Variants in ALX4 observed in about 807,000 individuals in gnomAD.
ALX4 encodes the protein ALX homeobox 4, also known as homeobox protein aristaless-like 4.
ALX4 carries 22 observed loss-of-function variants against 40.6 expected under a neutral mutation model. The ratio of observed to expected loss-of-function variants is 0.54; its 90% CI spans 0.39 to 0.77. The LOEUF is 0.77. Ranked by LOEUF, ALX4 falls within the 30% of genes least tolerant of loss-of-function variation. The pLI is 0.00. For synonymous variants in ALX4, 266 were observed against 240.5 expected, an observed-to-expected ratio of 1.11 and a Z score of -0.98; for missense variants, 556 against 564.8, an observed-to-expected ratio of 0.98 and a Z score of 0.16.
intron 1 of ALX4, among the ~76,000 whole-genome samples, chr11:44,300,142 C>G (rs1465845973): frequency 6.6e-6 from 1 of 152,182 alleles, no homozygotes; most frequent in Non-Finnish European, 1.5e-5. Flanking sequence ...AGCCTTCCCC[C>G]TTTCCTGGTA....
intron 1 of ALX4, among the ~76,000 whole-genome samples, chr11:44,299,367 T>G (rs1332187999): frequency 6.8e-6 from 1 of 147,516 alleles, no homozygotes; most frequent in Non-Finnish European, 1.5e-5. Context: ...TTTTTTTTTT[T>G]TTTTTTTTTT....
chr11:44,266,344 A>T lies in ALX4; in HGVS notation c.906+1150T>A, dbSNP rs72905946. 3.7e-3 allele frequency among the ~76,000 whole-genome samples: 557 copies of T among 152,266 alleles called. 2 individuals carry two copies. Among genetic ancestry groups the T allele is most frequent in the Non-Finnish European group, 6.1e-3 (416 of 68,004 alleles). On this transcript the variant is annotated intron_variant, in intron 3 of 3. Transcript: ENST00000652299. ...CTAGAGTTCCATCCTGGGAGGACAG[A>T]GGGAGGCTGAGTTTAGGGAGGGAGA...
At chr11:44,293,135 G>T (rs1956380154) in intron 1 of ALX4, among the ~76,000 whole-genome samples, 1 of 70,340 alleles carries the variant, frequency 1.4e-5, no homozygotes, top group Admixed American at 1.2e-4. Flanking sequence ...AAGGAAGGAA[G>T]GAAGGAAGGA....
chr11:44,266,496 G>A (rs958568047), intron 3 of ALX4, among the ~76,000 whole-genome samples: 2 of 152,224 alleles, frequency 1.3e-5, no homozygotes, highest in Admixed American at 6.5e-5. Flanking sequence ...ATCCTGGGCT[G>A]GGGGAGAGGG....
At chr11:44,269,720 TG>T (rs1363402631) in intron 2 of ALX4, among the ~76,000 whole-genome samples, 2 of 152,180 alleles carry the variant, frequency 1.3e-5, no homozygotes, top group Non-Finnish European at 2.9e-5. Context: ...CAAGGACAGA[TG>T]GGGTCTCCTC....
At chr11:44,302,280 G>C (rs1418343881) in intron 1 of ALX4, among the ~76,000 whole-genome samples, 1 of 152,060 alleles carries the variant, frequency 6.6e-6, no homozygotes, top group Non-Finnish European at 1.5e-5. Flanking sequence ...ACAAACCCTC[G>C]GCCTCGCCCT....
At chr11:44,280,200 C>T (rs756300763) in intron 1 of ALX4, among the ~76,000 whole-genome samples, 2 of 152,184 alleles carry the variant, frequency 1.3e-5, no homozygotes, top group African/African-American at 2.4e-5. Context: ...CCAGACAGAC[C>T]TTGAGCGATG....
At chr11:44,302,313 T>C (rs1400428201) in intron 1 of ALX4, among the ~76,000 whole-genome samples, 1 of 152,102 alleles carries the variant, frequency 6.6e-6, no homozygotes, top group Non-Finnish European at 1.5e-5. Context: ...TAGCAGGACG[T>C]GGACCCAGAG....
chr11:44,277,234 C>T (rs1956283155), intron 1 of ALX4, among the ~76,000 whole-genome samples: 1 of 152,180 alleles, frequency 6.6e-6, no homozygotes, highest in Non-Finnish European at 1.5e-5. Flanking sequence ...CCCACAGACC[C>T]TGTGAACATT....
intron 1 of ALX4, among the ~76,000 whole-genome samples, chr11:44,303,334 G>C (rs974335988): frequency 6.6e-6 from 1 of 152,226 alleles, no homozygotes; most frequent in Non-Finnish European, 1.5e-5. Flanking sequence ...AGCGGCGCCA[G>C]TGCCCAGCAG....
At chr11:44,273,217 T>C (rs1324199677) in intron 2 of ALX4, among the ~76,000 whole-genome samples, 1 of 151,686 alleles carries the variant, frequency 6.6e-6, no homozygotes, top group African/African-American at 2.4e-5. Context: ...AAAAGATTTC[T>C]CTTTGTTCTG....
At chr11:44,301,237 A>AC (rs984974257) in intron 1 of ALX4, among the ~76,000 whole-genome samples, 4 of 151,902 alleles carry the variant, frequency 2.6e-5, no homozygotes, top group African/African-American at 7.3e-5. Context: ...CTTGAGTGAG[A>AC]CCCCCCAACA....
At chr11:44,277,201 C>T (rs556035471) in intron 1 of ALX4, among the ~76,000 whole-genome samples, 1 of 152,290 alleles carries the variant, frequency 6.6e-6, no homozygotes, top group Non-Finnish European at 1.5e-5. Context: ...TTGATATTCA[C>T]ATTTCTAGTC....
intron 1 of ALX4, among the ~76,000 whole-genome samples, chr11:44,279,660 C>T (rs1278479687): frequency 8.5e-5 from 13 of 152,232 alleles, no homozygotes; most frequent in Non-Finnish European, 1.2e-4. Context: ...CTGGCATGTT[C>T]CTCCTTCCAG....
intron 1 of ALX4, among the ~76,000 whole-genome samples, chr11:44,290,715 C>A (rs1341191099): frequency 1.3e-5 from 2 of 152,200 alleles, no homozygotes; most frequent in Non-Finnish European, 2.9e-5. Context: ...AGGAGGCTCC[C>A]AAGCCACCTT....
intron 2 of ALX4, among the ~76,000 whole-genome samples, chr11:44,273,022 G>A (rs751422345): frequency 6.6e-6 from 1 of 152,066 alleles, no homozygotes; most frequent in African/African-American, 2.4e-5. Context: ...AACAGAAAAT[G>A]GTTGTAACTG....
chr11:44,286,003 G>A (rs540036492), intron 1 of ALX4, among the ~76,000 whole-genome samples: 1 of 152,316 alleles, frequency 6.6e-6, no homozygotes, highest in South Asian at 2.1e-4. Flanking sequence ...AGACTCCTCT[G>A]GGCTCCTTCT....
At chr11:44,308,586 G>C (rs191700607) in intron 1 of ALX4, among the ~76,000 whole-genome samples, 1 of 152,372 alleles carries the variant, frequency 6.6e-6, no homozygotes, top group East Asian at 1.9e-4. Context: ...AGAAGAGAAG[G>C]CCTAGGCTAC....
At chr11:44,288,811 C>A (rs1278549911) in intron 1 of ALX4, among the ~76,000 whole-genome samples, 1 of 152,220 alleles carries the variant, frequency 6.6e-6, no homozygotes, top group Non-Finnish European at 1.5e-5. Context: ...GTAATTTCAA[C>A]TGTCCTACAG....
Sources: gnomAD v4.1 joint callset for allele counts (sites outside exome capture counted in the v4.1 genomes callset) on GRCh38, gnomAD v4.1.1 for gene constraint, MANE v1.5 for transcripts, NCBI Gene and HGNC (gene_info 2026-07-23, HGNC 2026-07-21) for gene names.